TSPEAR: variants seen among roughly 807,000 people sequenced by gnomAD.
TSPEAR encodes the protein thrombospondin-type laminin G domain and EAR repeat-containing protein.
In TSPEAR, 69 loss-of-function variants were observed where a neutral mutation model predicts 71.6. That is an observed-to-expected ratio of 0.96 (90% CI 0.79 to 1.18). The LOEUF (loss-of-function observed/expected upper bound fraction) is 1.18, where lower values mean the gene tolerates loss of function less well. TSPEAR is among the 50% of genes most tolerant of loss of function. The pLI, the probability that TSPEAR is intolerant of heterozygous loss-of-function variation, is 0.00. For missense variants in TSPEAR, 971 were observed against 894.9 expected (o/e 1.09, Z -1.09); for synonymous variants, 402 against 387.2 (o/e 1.04, Z -0.45).
chr21:44,531,920 G>A (rs2052980564), intron 3 of TSPEAR, among the ~76,000 whole-genome samples: 1 of 152,354 alleles, frequency 6.6e-6, no homozygotes, highest in South Asian at 2.1e-4. Flanking sequence ...GGGTGCCTTC[G>A]GGCTCGCCTC....
intron 9 of TSPEAR, among the ~76,000 whole-genome samples, chr21:44,512,835 T>C (rs894015682): frequency 1.3e-5 from 2 of 152,078 alleles, no homozygotes; most frequent in East Asian, 1.9e-4. Context: ...CCGGAGTGAA[T>C]GCTGTGTGGT....
intron 1 of TSPEAR, among the ~76,000 whole-genome samples, chr21:44,703,633 G>T (rs887183202): frequency 2.6e-5 from 4 of 152,212 alleles, no homozygotes; most frequent in African/African-American, 9.7e-5. Context: ...TTGTGCTTGT[G>T]AAGGCTAATG....
At chr21:44,509,798 C>T in intron 9 of TSPEAR, 1 of 225,764 alleles carries the variant, frequency 4.4e-6, no homozygotes, top group Admixed American at 5.3e-5. Flanking sequence ...TGCTTCTCAG[C>T]AATCCATGCC....
intron 9 of TSPEAR, among the ~76,000 whole-genome samples, chr21:44,514,405 G>T (rs919987287): frequency 3.3e-5 from 5 of 152,154 alleles, no homozygotes; most frequent in African/African-American, 1.2e-4. Flanking sequence ...CATGTGTGTT[G>T]AGCCATGGGC....
chr21:44,539,630 C>T lies in TSPEAR; in HGVS notation c.304-5707G>A, dbSNP rs781833305. The stretch of plus-strand genomic sequence containing the variant: ...GGCCTGCTGGCAGGGGGAGGAGGTG[C>T]AGCAAGCTGGATGGCAGCTAGACTG... On this transcript the variant is annotated intron_variant, in intron 2 of 11. Coordinates refer to ENST00000323084, the MANE Select transcript of TSPEAR (RefSeq NM_144991.3). 11 of 1,613,450 alleles carry T rather than the reference C, an allele frequency of 6.8e-6. No individual in the cohort carries two copies. The Admixed American group carries it at 1.5e-4, about 22-fold the overall frequency.
intron 9 of TSPEAR, chr21:44,519,154 G>C (rs897596250): frequency 6.5e-6 from 1 of 152,796 alleles, no homozygotes; most frequent in Non-Finnish European, 1.5e-5. Flanking sequence ...TCAGCCTCCC[G>C]AGTAGCTGGG....
intron 11 of TSPEAR, among the ~76,000 whole-genome samples, chr21:44,503,399 T>A (rs868909178): frequency 9.9e-6 from 1 of 101,280 alleles, no homozygotes; most frequent in African/African-American, 3.8e-5. Context: ...GAAGCAAGGC[T>A]CTGGGAGGAG....
chr21:44,590,786 T>G (rs944175206), intron 1 of TSPEAR, among the ~76,000 whole-genome samples: 10 of 151,796 alleles, frequency 6.6e-5, no homozygotes, highest in Non-Finnish European at 1.3e-4. Flanking sequence ...GCTGCCAGGG[T>G]CCACTTTGTC....
chr21:44,631,081 G>GAAAAAA (rs4050977), intron 1 of TSPEAR, among the ~76,000 whole-genome samples: 1 of 150,778 alleles, frequency 6.6e-6, no homozygotes. Context: ...AGTAAAGAAA[G>GAAAAAA]AAAAAAAAGC....
chr21:44,622,718 G>A (rs587596169), intron 1 of TSPEAR, among the ~76,000 whole-genome samples: 2 of 152,130 alleles, frequency 1.3e-5, no homozygotes, highest in African/African-American at 2.4e-5. Context: ...ACTATAACCC[G>A]GTATGACCTC....
intron 2 of TSPEAR, chr21:44,558,188 G>A (rs1569185056): frequency 3.2e-6 from 5 of 1,551,574 alleles, no homozygotes; most frequent in Non-Finnish European, 3.5e-6. Flanking sequence ...GGGCACAGCA[G>A]GAGGGGATGG....
chr21:44,676,606 T>C, intron 1 of TSPEAR: 1 of 744,958 alleles, frequency 1.3e-6, no homozygotes, highest in Non-Finnish European at 2.5e-6. Flanking sequence ...CTCAGACAGG[T>C]TCTGCTCAAA....
intron 1 of TSPEAR, among the ~76,000 whole-genome samples, chr21:44,703,281 C>T (rs782441520): frequency 6.6e-6 from 1 of 152,244 alleles, no homozygotes; most frequent in Admixed American, 6.5e-5. Context: ...GCTGAGTTCC[C>T]GGCTCCCATC....
At position 44,527,494 on chromosome 21, in the gene TSPEAR, T is replaced by C. The variant is rs2052881295; in HGVS notation, c.947A>G (p.Glu316Gly). ...LAAKERLDYV[E>G]EHQNLSTNSE... ...GTTGGTGGACAAGTTCTGATGCTCCTCCACGTAGTCCAGTCTTTCTTTGGC... is the reference window on the plus strand; with the variant it reads ...GTTGGTGGACAAGTTCTGATGCTCCCCCACGTAGTCCAGTCTTTCTTTGGC... Residue 316 changes from glutamate (E) to glycine (G), a missense_variant, in exon 7 of 12, where the codon GAG becomes GGG. Glu to Gly is a moderately conservative substitution (Grantham distance 98). Coordinates refer to ENST00000323084, the MANE Select transcript of TSPEAR (RefSeq NM_144991.3). 3.1e-6 allele frequency: 5 copies of C among 1,614,208 alleles called. No individual in the cohort carries two copies. The highest frequency in any genetic ancestry group is 4.2e-6 in the Non-Finnish European group (5 of 1,180,038).
chr21:44,516,925 A>G (rs1238860624), intron 9 of TSPEAR, among the ~76,000 whole-genome samples: 4 of 152,132 alleles, frequency 2.6e-5, no homozygotes, highest in Admixed American at 2.6e-4. Flanking sequence ...GAACGCTCCC[A>G]GCTCTCCCAT....
intron 8 of TSPEAR, among the ~76,000 whole-genome samples, chr21:44,524,628 T>C (rs1269280995): frequency 2.6e-5 from 4 of 151,674 alleles, no homozygotes; most frequent in Non-Finnish European, 5.9e-5. Context: ...GTCAGTCAGG[T>C]AGTCAGTCAT....
intron 7 of TSPEAR, among the ~76,000 whole-genome samples, chr21:44,526,813 A>C (rs1480598320): frequency 6.6e-6 from 1 of 152,230 alleles, no homozygotes; most frequent in East Asian, 1.9e-4. Flanking sequence ...CCCTCTGCCC[A>C]GAGCAGCCCT....
At chr21:44,563,160 G>A (rs2053660814) in intron 2 of TSPEAR, among the ~76,000 whole-genome samples, 1 of 151,800 alleles carries the variant, frequency 6.6e-6, no homozygotes, top group African/African-American at 2.4e-5. Flanking sequence ...GAATCCACAG[G>A]AAAAAATGAA....
At chr21:44,677,464 C>G in intron 1 of TSPEAR, 1 of 844,112 alleles carries the variant, frequency 1.2e-6, no homozygotes, top group Non-Finnish European at 2.0e-6. Flanking sequence ...AAGCTCTTGG[C>G]TAGAGACTCA....
Sources: gnomAD v4.1 joint callset for allele counts (sites outside exome capture counted in the v4.1 genomes callset) on GRCh38, gnomAD v4.1.1 for gene constraint, MANE v1.5 for transcripts, NCBI Gene and HGNC (gene_info 2026-07-23, HGNC 2026-07-21) for gene names.